Variants in TM4SF5 observed in about 807,000 individuals in gnomAD.
TM4SF5 encodes the protein transmembrane 4 L six family member 5, also known as transmembrane 4 L6 family member 5.
A neutral mutation model predicts 22.3 loss-of-function variants in TM4SF5; 16 were observed. The ratio of observed to expected loss-of-function variants is 0.72; its 90% confidence interval spans 0.49 to 1.09. TM4SF5 has a LOEUF of 1.09. Ranked by LOEUF, TM4SF5 falls within the 50% of genes least tolerant of loss-of-function variation. The pLI, the probability that TM4SF5 is intolerant of heterozygous loss-of-function variation, is 0.00. For missense variants in TM4SF5, 249 were observed against 266.1 expected (o/e 0.94, Z 0.45); for synonymous variants, 113 against 109.6 (o/e 1.03, Z -0.19).
chr17:4,775,992 G>A (rs1917197377), intron 1 of TM4SF5, among the ~76,000 whole-genome samples: 1 of 151,968 alleles, frequency 6.6e-6, no homozygotes, highest in Non-Finnish European at 1.5e-5. Flanking sequence ...TTACAGGCAT[G>A]AGCCACCACG....
chr17:4,774,442 C>T (rs909405348), intron 1 of TM4SF5, among the ~76,000 whole-genome samples: 11 of 151,544 alleles, frequency 7.3e-5, no homozygotes, highest in Non-Finnish European at 2.9e-5. Context: ...GGAATGGCAG[C>T]GTGTGCCTGT....
Position 4,782,968 on chromosome 17 carries a change from A to G in TM4SF5, c.510A>G (p.Ile170Met). Reference protein sequence around the residue: ...SLLVAASCLEIVLCGIQLVNA... With the variant: ...SLLVAASCLEMVLCGIQLVNA... ...TGGTGGCCGCCTCCTGCCTGGAGATAGTACTGTGTGGGATCCAGCTGGTGA... is the reference window on the plus strand; with the variant it reads ...TGGTGGCCGCCTCCTGCCTGGAGATGGTACTGTGTGGGATCCAGCTGGTGA... The change falls in exon 4 of 5, where the codon ATA becomes ATG. Residue 170 changes from isoleucine (I) to methionine (M), a missense_variant. Coordinates refer to ENST00000270560, the MANE Select transcript of TM4SF5 (RefSeq NM_003963.3). The G allele has an allele frequency of 6.2e-7, 1 of 1,614,198 alleles. No individual in the cohort carries two copies. The highest frequency in any genetic ancestry group is 8.5e-7 in the Non-Finnish European group (1 of 1,180,032).
chr17:4,775,303 G>T (rs531836258), intron 1 of TM4SF5, among the ~76,000 whole-genome samples: 1 of 151,638 alleles, frequency 6.6e-6, no homozygotes, highest in Non-Finnish European at 1.5e-5. Flanking sequence ...GTGTCGCCCG[G>T]GCTGCAGTGC....
chr17:4,773,986 C>G lies in TM4SF5; in HGVS notation c.177+1887C>G, dbSNP rs534055829. Among the ~76,000 whole-genome samples the G allele has an allele frequency of 2.0e-5, 3 of 152,290 alleles. No individual in the cohort carries two copies. In the East Asian group the frequency reaches 5.8e-4, roughly 29 times the overall value. On this transcript the variant is annotated intron_variant, in intron 1 of 4. Coordinates refer to ENST00000270560, the MANE Select transcript of TM4SF5 (RefSeq NM_003963.3). The stretch of plus-strand genomic sequence containing the variant: ...ATCCCAACACTTTGGGAGGCCGAGG[C>G]GGGCCAATCACCTGAGGTCAGGAGT...
chr17:4,772,590 G>A (rs146913434), intron 1 of TM4SF5, among the ~76,000 whole-genome samples: 3 of 152,240 alleles, frequency 2.0e-5, no homozygotes, highest in South Asian at 2.1e-4. Context: ...CAATCTGTGC[G>A]GACTGCTAAG....
intron 1 of TM4SF5, 40 bp downstream of exon 1, chr17:4,772,139 G>A (rs1156996377): frequency 1.9e-6 from 3 of 1,612,196 alleles, no homozygotes; most frequent in Non-Finnish European, 2.5e-6. Context: ...AGCTGGCTGG[G>A]TGCCACCTAA....
intron 1 of TM4SF5, 85 bp downstream of exon 1, chr17:4,772,184 T>C: frequency 3.9e-6 from 6 of 1,529,176 alleles, no homozygotes; most frequent in Non-Finnish European, 4.5e-6. Context: ...GAGAGAGGAA[T>C]AAGAATGGTT....
chr17:4,777,326 C>G (rs1333729759), intron 1 of TM4SF5, among the ~76,000 whole-genome samples: 1 of 152,082 alleles, frequency 6.6e-6, no homozygotes. Flanking sequence ...AGGCTATAAG[C>G]ACAGTGTTTT....
chr17:4,778,090 T>C (rs1212287526), intron 1 of TM4SF5, among the ~76,000 whole-genome samples: 1 of 152,056 alleles, frequency 6.6e-6, no homozygotes, highest in Non-Finnish European at 1.5e-5. Context: ...TCAAAATTGG[T>C]AAATCCAAAA....
chr17:4,775,515 C>T (rs944648968), intron 1 of TM4SF5, among the ~76,000 whole-genome samples: 2 of 151,956 alleles, frequency 1.3e-5, no homozygotes, highest in Non-Finnish European at 2.9e-5. Context: ...CCACCCGCCT[C>T]GGCCTCCTAA....
intron 1 of TM4SF5, among the ~76,000 whole-genome samples, chr17:4,773,692 C>G (rs1222421229): frequency 6.6e-6 from 1 of 152,154 alleles, no homozygotes; most frequent in Non-Finnish European, 1.5e-5. Flanking sequence ...CTGCTGTACT[C>G]TACTCTATCG....
chr17:4,774,870 G>T (rs1917179153), intron 1 of TM4SF5, among the ~76,000 whole-genome samples: 2 of 152,168 alleles, frequency 1.3e-5, no homozygotes, highest in Non-Finnish European at 2.9e-5. Context: ...TTGCACCATT[G>T]TACTCCAGCC....
intron 1 of TM4SF5, among the ~76,000 whole-genome samples, chr17:4,778,468 A>T (rs947886852): frequency 4.6e-5 from 7 of 151,970 alleles, no homozygotes; most frequent in African/African-American, 1.7e-4. Context: ...TTAGCCAGGC[A>T]TGTTGTTCCG....
chr17:4,782,782 G>A (rs1917338011), intron 3 of TM4SF5, 72 bp from the exon 4 acceptor site: 1 of 1,574,358 alleles, frequency 6.4e-7, no homozygotes, highest in Admixed American at 1.8e-5. Context: ...AAATCCCCTG[G>A]GACGTATTCT....
Position 4,783,119 on chromosome 17 carries a change from A to C in TM4SF5, c.585A>C (p.Thr195=), listed in dbSNP as rs3851. 0.4 allele frequency: 650,763 copies of C among 1,613,564 alleles called. 134,880 individuals carry two copies. Among genetic ancestry groups the C allele is most frequent in the South Asian group, 0.61 (55,780 of 91,062 alleles). The change falls in exon 5 of 5, where the codon ACA becomes ACC. Residue 195 remains threonine (T), a synonymous_variant. Coordinates refer to ENST00000270560, the MANE Select transcript of TM4SF5 (RefSeq NM_003963.3). ...FCGDCRKKQD[T]PH is the part of the protein sequence containing the mutation. ...TCACCTTCTCTTTTCCGCAGGACAC[A>C]CCTCACTGAGGCTCCACTGACCGCC...
In TM4SF5 at chr17:4,783,145, G is replaced by A. The variant is rs536447952; in HGVS notation, c.*17G>A. On this transcript the variant is annotated 3_prime_UTR_variant, in exon 5 of 5. Transcript: ENST00000270560. ...CCTCACTGAGGCTCCACTGACCGCC[G>A]GGTTACACCTGCTCCTTCCTGGACG... 29 of 1,611,596 alleles carry A rather than the reference G, an allele frequency of 1.8e-5. No individual in the cohort carries two copies. Among genetic ancestry groups the A allele is most frequent in the East Asian group, 1.6e-4 (7 of 44,780 alleles).
intron 1 of TM4SF5, among the ~76,000 whole-genome samples, chr17:4,778,771 G>A (rs775582862): frequency 1.3e-5 from 2 of 151,916 alleles, no homozygotes; most frequent in Non-Finnish European, 2.9e-5. Context: ...CAAGTTACAA[G>A]TCTTGGCCAG....
At chr17:4,777,845 T>C (rs1917236345) in intron 1 of TM4SF5, among the ~76,000 whole-genome samples, 1 of 151,922 alleles carries the variant, frequency 6.6e-6, no homozygotes, top group African/African-American at 2.4e-5. Context: ...GATCGCGCCA[T>C]TGCACTCCAG....
chr17:4,781,804 C>T (rs1170385100), intron 2 of TM4SF5, among the ~76,000 whole-genome samples: 4 of 152,184 alleles, frequency 2.6e-5, no homozygotes, highest in East Asian at 1.9e-4. Context: ...TGTGAGATAT[C>T]GTGCCCAGCC....
Sources: allele counts gnomAD v4.1 joint callset (sites outside exome capture counted in the v4.1 genomes callset), GRCh38; gene constraint gnomAD v4.1.1; transcripts MANE v1.5; gene names NCBI Gene and HGNC (gene_info 2026-07-23, HGNC 2026-07-21).